Variants in GALNT14 observed in about 807,000 individuals in gnomAD.
The protein encoded by GALNT14 is polypeptide N-acetylgalactosaminyltransferase 14, also known as UDP-GalNAc:polypeptide N-acetylgalactosaminyltransferase 14.
In GALNT14, 60 loss-of-function variants were observed where a neutral mutation model predicts 77.5. The observed-to-expected ratio is 0.77, with a 90% CI of 0.63 to 0.96. The LOEUF (loss-of-function observed/expected upper bound fraction) is 0.96. Among genes scored for constraint, GALNT14 ranks in the 40% least tolerant of loss-of-function variants. GALNT14 has a pLI of 0.00. For missense variants in GALNT14, 710 were observed against 731.0 expected, an observed-to-expected ratio of 0.97 and a Z score of 0.33; for synonymous variants, 280 against 281.7, an observed-to-expected ratio of 0.99 and a Z score of 0.06.
chr2:30,955,620 C>A lies in GALNT14; in HGVS notation c.652G>T (p.Glu218Ter), dbSNP rs1235164418. Reference protein sequence around the residue: ...WLQPLLHRVKEDYTRVVCPVI... With the variant: ...WLQPLLHRVK ...CCCTGCTCCTCAGCCTCACTCACCT[C>A]TTTGACCCTGTGCAACAGAGGCTGG... Residue 218 changes from glutamate (E) to a stop codon, truncating the protein, a stop_gained and splice_region_variant, in exon 6 of 15, where the codon GAG (glutamate) becomes TAG (stop). Transcript: ENST00000349752. LOFTEE classifies it high-confidence loss of function. 6.2e-7 allele frequency: 1 copy of A among 1,614,108 alleles called. No homozygotes were observed.
rs554249437 is a variant in GALNT14 at position 30,972,748 on chromosome 2, C to T, written c.300-6446G>A. Among the ~76,000 whole-genome samples, 11 of 152,312 alleles carry T rather than the reference C, an allele frequency of 7.2e-5. No homozygotes were observed. In the South Asian group the frequency reaches 2.3e-3, roughly 32 times the overall value. On this transcript the variant is annotated intron_variant, in intron 2 of 14. Transcript: ENST00000349752. ...ACATGCCCACTCTTGAATGACCACCCGAAGAGGCGGTTTCTACTGAGCTCT... is the reference window on the plus strand; with the variant it reads ...ACATGCCCACTCTTGAATGACCACCTGAAGAGGCGGTTTCTACTGAGCTCT...
the GALNT14 span, among the ~76,000 whole-genome samples, chr2:30,887,109 G>A: frequency 6.6e-6 from 1 of 152,302 alleles, no homozygotes; most frequent in African/African-American, 2.4e-5. Flanking sequence ...ACCACCATTT[G>A]TTTATCCATT....
chr2:30,892,347 T>C, the GALNT14 span, among the ~76,000 whole-genome samples: 1 of 151,976 alleles, frequency 6.6e-6, no homozygotes, highest in South Asian at 2.1e-4. Context: ...CAAATTGAAA[T>C]TTGGAAAGAT....
chr2:30,929,568 T>G (rs190706721), intron 10 of GALNT14, 81 bp from the exon 11 acceptor site: 1 of 1,045,242 alleles, frequency 9.6e-7, no homozygotes, highest in Non-Finnish European at 1.5e-6. Flanking sequence ...AATACACATG[T>G]GTGGGCTGAG....
chr2:30,893,108 T>C, the GALNT14 span, among the ~76,000 whole-genome samples: 3 of 152,130 alleles, frequency 2.0e-5, no homozygotes, highest in Admixed American at 6.6e-5. Context: ...AAGAAGTAAG[T>C]TATGAAATAG....
chr2:30,984,818 A>G (rs1669195630), intron 2 of GALNT14, among the ~76,000 whole-genome samples: 1 of 152,008 alleles, frequency 6.6e-6, no homozygotes, highest in Non-Finnish European at 1.5e-5. Context: ...GCCTAATGCT[A>G]TTTTGTCTTT....
intron 2 of GALNT14, among the ~76,000 whole-genome samples, chr2:30,970,267 G>A (rs576036623): frequency 6.6e-6 from 1 of 152,256 alleles, no homozygotes; most frequent in South Asian, 2.1e-4. Context: ...CAGCGTCAAT[G>A]TGAGTGAAAA....
At chr2:30,949,702 A>G (rs1486469293) in intron 6 of GALNT14, among the ~76,000 whole-genome samples, 2 of 152,166 alleles carry the variant, frequency 1.3e-5, no homozygotes, top group Non-Finnish European at 2.9e-5. Context: ...GGCAATCAAA[A>G]AGCTCCTAGA....
chr2:30,976,621 A>ATG (rs907270186), intron 2 of GALNT14, among the ~76,000 whole-genome samples: 4,071 of 139,848 alleles, frequency 0.029, 149 homozygotes, highest in African/African-American at 0.092. Flanking sequence ...GCGTGTGTGT[A>ATG]TGTGTGTGTG....
At chr2:31,119,927 C>A (rs920805698) in intron 1 of GALNT14, among the ~76,000 whole-genome samples, 2 of 75,042 alleles carry the variant, frequency 2.7e-5, no homozygotes, top group African/African-American at 6.5e-5. Context: ...GAGGCCGAGG[C>A]GGGCGGATCA....
At chr2:31,020,633 C>G (rs968533445) in intron 1 of GALNT14, among the ~76,000 whole-genome samples, 7 of 152,228 alleles carry the variant, frequency 4.6e-5, no homozygotes, top group Non-Finnish European at 8.8e-5. Flanking sequence ...ATGGCCTCCC[C>G]AAGCCCAGTC....
At chr2:30,897,899 G>C in the GALNT14 span, among the ~76,000 whole-genome samples, 6 of 152,224 alleles carry the variant, frequency 3.9e-5, no homozygotes, top group Non-Finnish European at 7.3e-5. Context: ...TGCAGGGTCT[G>C]AGTCTTCTCC....
intron 1 of GALNT14, among the ~76,000 whole-genome samples, chr2:31,014,371 C>CT (rs1310390108): frequency 3.4e-4 from 52 of 152,296 alleles, no homozygotes; most frequent in African/African-American, 1.3e-3. Flanking sequence ...AATGTTGCAA[C>CT]TCATTGCAGG....
chr2:30,962,140 C>G (rs1260135651), intron 3 of GALNT14, among the ~76,000 whole-genome samples: 1 of 152,174 alleles, frequency 6.6e-6, no homozygotes, highest in Non-Finnish European at 1.5e-5. Context: ...CACCTGTTGT[C>G]ACCGCTCAGG....
At chr2:31,057,293 TTA>T (rs10638502) in intron 1 of GALNT14, among the ~76,000 whole-genome samples, 13,542 of 128,852 alleles carry the variant, frequency 0.11, 897 homozygotes, top group African/African-American at 0.2. Context: ...AAAGTTGAAA[TTA>T]TATATATATA....
intron 1 of GALNT14, among the ~76,000 whole-genome samples, chr2:31,062,228 G>A (rs1471480380): frequency 6.6e-6 from 1 of 151,914 alleles, no homozygotes. Context: ...CCCACCTCCC[G>A]ACAGACCCCA....
chr2:30,905,766 C>A (rs1403349647), downstream of GALNT14, among the ~76,000 whole-genome samples: 52 of 148,640 alleles, frequency 3.5e-4, no homozygotes, highest in African/African-American at 1.2e-3. Flanking sequence ...TTGTCAGATT[C>A]ACCAAAGTTG....
At chr2:30,945,354 G>C (rs1666624013) in intron 7 of GALNT14, among the ~76,000 whole-genome samples, 2 of 152,146 alleles carry the variant, frequency 1.3e-5, no homozygotes, top group African/African-American at 4.8e-5. Context: ...TGAAGTGGGG[G>C]CAACAGTGGG....
At chr2:30,960,538 T>C (rs1284083823) in intron 3 of GALNT14, among the ~76,000 whole-genome samples, 1 of 152,026 alleles carries the variant, frequency 6.6e-6, no homozygotes, top group Non-Finnish European at 1.5e-5. Context: ...GACCATTTCG[T>C]GGTAACACCT....
Sources: allele counts gnomAD v4.1 joint callset (sites outside exome capture counted in the v4.1 genomes callset), GRCh38; gene constraint gnomAD v4.1.1; transcripts MANE v1.5; gene names NCBI Gene and HGNC (gene_info 2026-07-23, HGNC 2026-07-21).